Variants in SPRED1 observed in about 807,000 individuals in gnomAD.
SPRED1 encodes sprouty-related, EVH1 domain-containing protein 1.
Under a neutral mutation model 52.3 loss-of-function variants are expected in SPRED1, and 18 were observed. The ratio of observed to expected loss-of-function variants is 0.34; its 90% CI spans 0.24 to 0.51. SPRED1 has a LOEUF of 0.51. SPRED1 is among the 20% of genes least tolerant of loss of function. SPRED1 has a pLI of 0.97. For synonymous variants in SPRED1, 155 were observed against 179.7 expected, an observed-to-expected ratio of 0.86 and a Z score of 1.10; for missense variants, 485 against 551.0, an observed-to-expected ratio of 0.88 and a Z score of 1.20.
At chr15:38,278,986 C>T (rs1894627312) in intron 1 of SPRED1, among the ~76,000 whole-genome samples, 2 of 152,078 alleles carry the variant, frequency 1.3e-5, no homozygotes, top group African/African-American at 4.8e-5. Flanking sequence ...CACCACCATG[C>T]CTGGCTAATT....
At chr15:38,325,771 A>G (rs1895700733) in intron 4 of SPRED1, among the ~76,000 whole-genome samples, 1 of 152,192 alleles carries the variant, frequency 6.6e-6, no homozygotes, top group Non-Finnish European at 1.5e-5. Context: ...TTCAGCTCCA[A>G]GCAAGCCTTA....
At chr15:38,253,305 G>T in intron 1 of SPRED1, 88 bp downstream of exon 1, 3 of 1,358,698 alleles carry the variant, frequency 2.2e-6, no homozygotes, top group Non-Finnish European at 3.1e-6. Flanking sequence ...CTTGGGTGCC[G>T]GAAAGCTTGC....
intron 2 of SPRED1, among the ~76,000 whole-genome samples, chr15:38,301,567 C>T (rs1218078392): frequency 6.6e-6 from 1 of 152,024 alleles, no homozygotes; most frequent in Non-Finnish European, 1.5e-5. Flanking sequence ...GTTATGGGGA[C>T]TTGTGTGATC....
Position 38,271,656 on chromosome 15 carries a change from T to TA in SPRED1, c.32+18445dup, listed in dbSNP as rs1277783798. On this transcript the variant is annotated intron_variant, in intron 1 of 6. Coordinates refer to ENST00000299084, the MANE Select transcript of SPRED1 (RefSeq NM_152594.3). The stretch of plus-strand genomic sequence containing the variant: ...AGTAAATGATTGATTGGTTCTTTGG[T>TA]AAAAAAGGACTTAGAGATATTGATT... Among the ~76,000 whole-genome samples the TA allele has an allele frequency of 2.6e-5, 4 of 152,280 alleles. No individual in the cohort carries two copies. The East Asian group carries it at 7.7e-4, about 29-fold the overall frequency.
chr15:38,267,334 A>G (rs1230578611), intron 1 of SPRED1, among the ~76,000 whole-genome samples: 1 of 152,138 alleles, frequency 6.6e-6, no homozygotes, highest in Non-Finnish European at 1.5e-5. Context: ...TGCTATTACA[A>G]ATAACATTTT....
rs774092024 is a variant in SPRED1 at position 38,285,588 on chromosome 15, G to A, written c.33-13785G>A. Among the ~76,000 whole-genome samples, 52 of 152,176 alleles carry A rather than the reference G, an allele frequency of 3.4e-4. 1 individual carries two copies. Among genetic ancestry groups the A allele is most frequent in the Admixed American group, 3.3e-4 (5 of 15,280 alleles). ...GAAAGAACAGTTTGGCTGGAACAGGGAATGGGAGGGAGAATGGCTGGAGAT... is the reference window on the plus strand; with the variant it reads ...GAAAGAACAGTTTGGCTGGAACAGGAAATGGGAGGGAGAATGGCTGGAGAT... On this transcript the variant is annotated intron_variant, in intron 1 of 6. Coordinates refer to ENST00000299084, the MANE Select transcript of SPRED1 (RefSeq NM_152594.3).
intron 1 of SPRED1, among the ~76,000 whole-genome samples, chr15:38,257,701 A>G (rs931975373): frequency 1.3e-5 from 2 of 152,198 alleles, no homozygotes; most frequent in Non-Finnish European, 2.9e-5. Context: ...AGGAATATGT[A>G]TCTCCAGCTG....
chr15:38,306,561 T>C (rs888940383), intron 2 of SPRED1, among the ~76,000 whole-genome samples: 3 of 152,188 alleles, frequency 2.0e-5, no homozygotes, highest in Non-Finnish European at 2.9e-5. Flanking sequence ...TATTAATTAC[T>C]TTCTGTACAA....
chr15:38,255,937 TC>T (rs1161044617), intron 1 of SPRED1, among the ~76,000 whole-genome samples: 1 of 152,180 alleles, frequency 6.6e-6, no homozygotes, highest in East Asian at 1.9e-4. Context: ...ATTAACCCTT[TC>T]TAGATAGCCA....
At chr15:38,311,554 A>G (rs923422129) in intron 2 of SPRED1, among the ~76,000 whole-genome samples, 1 of 152,192 alleles carries the variant, frequency 6.6e-6, no homozygotes, top group Admixed American at 6.5e-5. Flanking sequence ...CTCAATATGA[A>G]GATCTCTTCA....
At chr15:38,303,697 A>G (rs1303864476) in intron 2 of SPRED1, among the ~76,000 whole-genome samples, 2 of 152,004 alleles carry the variant, frequency 1.3e-5, no homozygotes, top group East Asian at 1.9e-4. Flanking sequence ...TAAATTTGCT[A>G]GTATTATTAA....
rs1225096590 is a variant in SPRED1 at position 38,354,185 on chromosome 15, T to C, written c.*2521T>C. ...TTCTTTTGAGTAAATGAGAATTCCT[T>C]TGTGAAAGCAAATGGGTAGTTTAAA... On this transcript the variant is annotated 3_prime_UTR_variant, in exon 7 of 7. Coordinates refer to ENST00000299084, the MANE Select transcript of SPRED1 (RefSeq NM_152594.3). 1 of 152,286 alleles carries C rather than the reference T, an allele frequency of 6.6e-6. No homozygotes were observed. Among genetic ancestry groups the C allele is most frequent in the Non-Finnish European group, 1.5e-5 (1 of 68,032 alleles). 9.4% of individuals were successfully genotyped at this position (152,286 alleles called of 1,614,324 possible).
intron 1 of SPRED1, among the ~76,000 whole-genome samples, chr15:38,270,629 T>C (rs62003496): frequency 0.82 from 124,843 of 151,432 alleles, 52,213 homozygotes; most frequent in Non-Finnish European, 0.9. Context: ...AACTAGATGA[T>C]CTGAGAACTC....
intron 2 of SPRED1, among the ~76,000 whole-genome samples, chr15:38,308,437 AG>A (rs1895295168): frequency 6.6e-6 from 1 of 152,226 alleles, no homozygotes; most frequent in Non-Finnish European, 1.5e-5. Flanking sequence ...ACCACAGACA[AG>A]ATGCAAAACA....
chr15:38,318,797 G>A (rs1895542025), intron 2 of SPRED1, among the ~76,000 whole-genome samples: 2 of 151,962 alleles, frequency 1.3e-5, no homozygotes, highest in African/African-American at 4.8e-5. Flanking sequence ...AGTATCCCAT[G>A]GTATATGTTT....
intron 2 of SPRED1, among the ~76,000 whole-genome samples, chr15:38,319,073 T>C (rs1895548427): frequency 9.9e-6 from 1 of 101,472 alleles, no homozygotes; most frequent in South Asian, 4.1e-4. Flanking sequence ...TATTTTCATG[T>C]ATTAAAAATT....
intron 4 of SPRED1, among the ~76,000 whole-genome samples, chr15:38,339,358 G>A (rs1895985346): frequency 6.6e-6 from 1 of 151,964 alleles, no homozygotes; most frequent in South Asian, 2.1e-4. Context: ...TTTTTAACTT[G>A]CAAAATAAAA....
intron 5 of SPRED1, 38 bp downstream of exon 5, chr15:38,339,933 A>G: frequency 1.9e-6 from 3 of 1,612,810 alleles, no homozygotes; most frequent in East Asian, 2.2e-5. Flanking sequence ...CGTTGTTTAT[A>G]TGTGTAGAAA....
At chr15:38,321,452 T>C (rs1366264545) in intron 2 of SPRED1, among the ~76,000 whole-genome samples, 1 of 152,180 alleles carries the variant, frequency 6.6e-6, no homozygotes, top group Non-Finnish European at 1.5e-5. Flanking sequence ...ATGAGTAAAC[T>C]AAGGCTTCAA....
Sources: allele counts gnomAD v4.1 joint callset (sites outside exome capture counted in the v4.1 genomes callset), GRCh38; gene constraint gnomAD v4.1.1; transcripts MANE v1.5; gene names NCBI Gene and HGNC (gene_info 2026-07-23, HGNC 2026-07-21).